OPCML: variants seen among roughly 807,000 people sequenced by gnomAD.
OPCML encodes opioid-binding protein/cell adhesion molecule.
In OPCML, 13 loss-of-function variants were observed where a neutral mutation model predicts 37.8. The ratio of observed to expected loss-of-function variants is 0.34; its 90% CI spans 0.22 to 0.55. The LOEUF (loss-of-function observed/expected upper bound fraction) is 0.55, where lower values mean the gene tolerates loss of function less well. Among genes scored for constraint, OPCML ranks in the 20% least tolerant of loss-of-function variants. The pLI is 0.91. For missense variants in OPCML, 341 were observed against 435.6 expected (o/e 0.78, Z 1.93); for synonymous variants, 176 against 168.8 (o/e 1.04, Z -0.33).
intron 3 of OPCML, among the ~76,000 whole-genome samples, chr11:132,576,851 T>C (rs1215896946): frequency 6.6e-6 from 1 of 152,104 alleles, no homozygotes; most frequent in East Asian, 1.9e-4. Flanking sequence ...GCTTGCTCTG[T>C]GGGTTGAGCC....
At chr11:133,078,175 A>G (rs1948652313) in intron 1 of OPCML, among the ~76,000 whole-genome samples, 1 of 152,178 alleles carries the variant, frequency 6.6e-6, no homozygotes, top group Admixed American at 6.5e-5. Context: ...GTGCACACCA[A>G]GCAGGGGTGT....
intron 3 of OPCML, among the ~76,000 whole-genome samples, chr11:132,613,874 C>T (rs776774549): frequency 2.0e-5 from 3 of 152,006 alleles, no homozygotes; most frequent in Non-Finnish European, 2.9e-5. Flanking sequence ...ACAAAAGAGT[C>T]GTCTTTTGAA....
At chr11:132,546,929 C>T (rs1017384591) in intron 3 of OPCML, among the ~76,000 whole-genome samples, 9 of 152,204 alleles carry the variant, frequency 5.9e-5, no homozygotes, top group Non-Finnish European at 1.2e-4. Flanking sequence ...GCCTGTGTGG[C>T]CCTACCTTCC....
At chr11:132,486,895 T>C (rs1336590927) in intron 4 of OPCML, among the ~76,000 whole-genome samples, 1 of 152,228 alleles carries the variant, frequency 6.6e-6, no homozygotes, top group Non-Finnish European at 1.5e-5. Flanking sequence ...ATTCTTTTCT[T>C]ATTTACAACA....
intron 1 of OPCML, among the ~76,000 whole-genome samples, chr11:133,142,899 C>G (rs780786284): frequency 3.3e-5 from 5 of 152,006 alleles, no homozygotes; most frequent in Admixed American, 6.5e-5. Context: ...CTCCAAGTGC[C>G]TTCTCATATT....
intron 1 of OPCML, chr11:133,025,989 C>T: frequency 1.1e-6 from 1 of 873,532 alleles, no homozygotes; most frequent in Non-Finnish European, 1.4e-6. Flanking sequence ...CCCACCTTGG[C>T]CACCAAAGGT....
chr11:133,204,894 A>ATGTGTG (rs1157658071), intron 1 of OPCML, among the ~76,000 whole-genome samples: 24 of 135,614 alleles, frequency 1.8e-4, no homozygotes, highest in African/African-American at 4.6e-4. Context: ...ATATATATAT[A>ATGTGTG]TATATATATA....
intron 1 of OPCML, chr11:133,420,935 T>A (rs1945872909): frequency 2.0e-6 from 2 of 985,250 alleles, no homozygotes; most frequent in Admixed American, 6.2e-5. Flanking sequence ...GGCTGATAAT[T>A]GGTCTTGAAA....
intron 1 of OPCML, among the ~76,000 whole-genome samples, chr11:133,371,389 C>T (rs1027096927): frequency 1.3e-5 from 2 of 152,140 alleles, no homozygotes; most frequent in Non-Finnish European, 2.9e-5. Context: ...TTTACAATAG[C>T]AAAGATAAGT....
chr11:132,626,707 A>G lies in OPCML; in HGVS notation c.379+30380T>C, dbSNP rs552700143. Among the ~76,000 whole-genome samples, 10 of 149,066 alleles carry G rather than the reference A, an allele frequency of 6.7e-5. No individual in the cohort carries two copies. In the South Asian group the frequency reaches 1.5e-3, roughly 22 times the overall value. On this transcript the variant is annotated intron_variant, in intron 3 of 7. Transcript: ENST00000524381. Reference sequence around the variant, plus strand: ...TGGTATGAGCCTTTAAAAAAAAAAAACATGCATTTACTAATCAAGCTGCCC... The same window carrying G: ...TGGTATGAGCCTTTAAAAAAAAAAAGCATGCATTTACTAATCAAGCTGCCC...
intron 1 of OPCML, among the ~76,000 whole-genome samples, chr11:133,032,675 A>T (rs1026027974): frequency 6.6e-6 from 1 of 152,204 alleles, no homozygotes; most frequent in Admixed American, 6.5e-5. Context: ...TTAAACCAAG[A>T]TCCCAATGTA....
chr11:132,454,965 C>T (rs772492882), intron 4 of OPCML, among the ~76,000 whole-genome samples: 6 of 152,112 alleles, frequency 3.9e-5, no homozygotes, highest in African/African-American at 1.2e-4. Context: ...ATCTGACTAA[C>T]CTTTTCCTGT....
At chr11:132,559,683 T>C (rs967675996) in intron 3 of OPCML, among the ~76,000 whole-genome samples, 4 of 152,148 alleles carry the variant, frequency 2.6e-5, no homozygotes, top group East Asian at 1.9e-4. Context: ...CTTCACCCCA[T>C]GTGTCAACTC....
At chr11:133,390,932 A>T (rs557580219) in intron 1 of OPCML, among the ~76,000 whole-genome samples, 8 of 152,292 alleles carry the variant, frequency 5.3e-5, no homozygotes, top group Non-Finnish European at 1.0e-4. Flanking sequence ...TCGATTCGGC[A>T]AGAAGGAAGG....
intron 4 of OPCML, among the ~76,000 whole-genome samples, chr11:132,470,633 C>T (rs1206096279): frequency 1.3e-5 from 2 of 152,114 alleles, no homozygotes; most frequent in Admixed American, 1.3e-4. Flanking sequence ...CAGTGGAAGC[C>T]ACTCATGTCT....
intron 1 of OPCML, among the ~76,000 whole-genome samples, chr11:133,145,114 T>C (rs1455139811): frequency 6.6e-6 from 1 of 152,210 alleles, no homozygotes; most frequent in Non-Finnish European, 1.5e-5. Context: ...TGCTTTGGAC[T>C]TATCATGTAT....
At chr11:133,005,530 G>A in intron 1 of OPCML, 1 of 985,240 alleles carries the variant, frequency 1.0e-6, no homozygotes, top group Non-Finnish European at 1.2e-6. Context: ...TATCTCCTCT[G>A]CATTTCCATA....
chr11:132,645,316 G>A (rs2135733993), intron 3 of OPCML, among the ~76,000 whole-genome samples: 1 of 152,292 alleles, frequency 6.6e-6, no homozygotes, highest in East Asian at 1.9e-4. Context: ...TCATGATGTG[G>A]CTACCAATAT....
intron 1 of OPCML, among the ~76,000 whole-genome samples, chr11:133,490,137 T>G (rs1947623637): frequency 6.6e-6 from 1 of 152,138 alleles, no homozygotes; most frequent in Non-Finnish European, 1.5e-5. Flanking sequence ...GTTTTACTCC[T>G]TCAGAGAGCT....
Sources: allele counts gnomAD v4.1 joint callset (sites outside exome capture counted in the v4.1 genomes callset), GRCh38; gene constraint gnomAD v4.1.1; transcripts MANE v1.5; gene names NCBI Gene and HGNC (gene_info 2026-07-23, HGNC 2026-07-21).